HDAC9: variants seen among roughly 807,000 people sequenced by gnomAD.
HDAC9 encodes MEF-2 interacting transcription repressor (MITR) protein.
Under a neutral mutation model 139.4 loss-of-function variants are expected in HDAC9, and 41 were observed. That is an observed-to-expected ratio of 0.29 (90% confidence interval 0.23 to 0.38). HDAC9 has a LOEUF of 0.38. Ranked by LOEUF, HDAC9 falls within the 10% of genes least tolerant of loss-of-function variation. HDAC9 has a pLI of 1.00. For missense variants in HDAC9, 1,147 were observed against 1,297.0 expected, an observed-to-expected ratio of 0.88 and a Z score of 1.78; for synonymous variants, 517 against 476.2, an observed-to-expected ratio of 1.09 and a Z score of -1.12.
At chr7:18,642,033 A>G (rs904356160) in intron 8 of HDAC9, among the ~76,000 whole-genome samples, 4 of 152,102 alleles carry the variant, frequency 2.6e-5, no homozygotes, top group Admixed American at 2.6e-4. Flanking sequence ...TTGAAAGTCT[A>G]CATAAATGCT....
chr7:18,654,246 A>G (rs978125634), intron 11 of HDAC9, among the ~76,000 whole-genome samples: 1 of 152,170 alleles, frequency 6.6e-6, no homozygotes, highest in African/African-American at 2.4e-5. Flanking sequence ...AATGTTAAGT[A>G]TAATTACACA....
intron 2 of HDAC9, among the ~76,000 whole-genome samples, chr7:18,180,829 G>A (rs888604606): frequency 3.9e-5 from 6 of 152,188 alleles, no homozygotes; most frequent in African/African-American, 1.4e-4. Context: ...TCACTGGGCT[G>A]AAATGAAGGT....
chr7:18,216,282 TA>T (rs1562758188), intron 2 of HDAC9, among the ~76,000 whole-genome samples: 1 of 152,188 alleles, frequency 6.6e-6, no homozygotes, highest in African/African-American at 2.4e-5. Flanking sequence ...AAAATCTCAT[TA>T]AAGTTCATGG....
At chr7:18,851,447 A>C (rs955593750) in intron 21 of HDAC9, 1 of 152,570 alleles carries the variant, frequency 6.6e-6, no homozygotes, top group South Asian at 2.1e-4. Context: ...GCGTTCCGCC[A>C]TGATTGTAAG....
At chr7:18,361,846 C>G (rs1783805661) in intron 1 of HDAC9, among the ~76,000 whole-genome samples, 1 of 152,068 alleles carries the variant, frequency 6.6e-6, no homozygotes, top group Non-Finnish European at 1.5e-5. Flanking sequence ...GGCATAAAGC[C>G]AACTAATTAC....
At chr7:18,817,173 T>C (rs1794630909) in intron 17 of HDAC9, among the ~76,000 whole-genome samples, 1 of 152,056 alleles carries the variant, frequency 6.6e-6, no homozygotes, top group African/African-American at 2.4e-5. Flanking sequence ...TAGCTGAGAC[T>C]ACAGGCGCCC....
chr7:18,407,431 C>G (rs1201296323), intron 1 of HDAC9, among the ~76,000 whole-genome samples: 1 of 152,110 alleles, frequency 6.6e-6, no homozygotes, highest in Non-Finnish European at 1.5e-5. Context: ...TAACAAATCT[C>G]AAAGTGGGGT....
At chr7:18,919,135 T>C (rs1028180212) in intron 22 of HDAC9, among the ~76,000 whole-genome samples, 4 of 152,044 alleles carry the variant, frequency 2.6e-5, no homozygotes, top group Non-Finnish European at 4.4e-5. Context: ...CAAGGAAAAT[T>C]TATAATTGTC....
At chr7:18,163,139 T>G (rs1447484668) in intron 2 of HDAC9, among the ~76,000 whole-genome samples, 2 of 152,186 alleles carry the variant, frequency 1.3e-5, no homozygotes, top group African/African-American at 4.8e-5. Context: ...TACTCAGGGC[T>G]TATAAGGGAG....
chr7:18,807,538 A>T, intron 17 of HDAC9, among the ~76,000 whole-genome samples: 1 of 149,254 alleles, frequency 6.7e-6, no homozygotes, highest in Non-Finnish European at 1.5e-5. Context: ...TTTATTTGAG[A>T]TCTTTCTTTT....
At chr7:18,974,991 AG>A (rs1784465076) in intron 24 of HDAC9, among the ~76,000 whole-genome samples, 1 of 152,206 alleles carries the variant, frequency 6.6e-6, no homozygotes, top group African/African-American at 2.4e-5. Flanking sequence ...TAACCTGGTG[AG>A]TCATGTCAGC....
At chr7:18,198,266 C>A (rs1295064605) in intron 2 of HDAC9, among the ~76,000 whole-genome samples, 1 of 151,800 alleles carries the variant, frequency 6.6e-6, no homozygotes, top group South Asian at 2.1e-4. Flanking sequence ...TAATACAGGA[C>A]CTAACCCCAT....
chr7:18,941,375 T>A (rs771021965), intron 23 of HDAC9, among the ~76,000 whole-genome samples: 2 of 152,180 alleles, frequency 1.3e-5, no homozygotes, highest in African/African-American at 4.8e-5. Flanking sequence ...CTTTTAAAGA[T>A]GACGTTTTGC....
chr7:18,448,356 T>C (rs891979815), intron 1 of HDAC9, among the ~76,000 whole-genome samples: 2 of 152,200 alleles, frequency 1.3e-5, no homozygotes, highest in African/African-American at 4.8e-5. Flanking sequence ...TCTGCTTATA[T>C]TAATAACAAT....
At chr7:18,956,186 C>T (rs1164093255) in intron 24 of HDAC9, among the ~76,000 whole-genome samples, 1 of 152,096 alleles carries the variant, frequency 6.6e-6, no homozygotes, top group African/African-American at 2.4e-5. Flanking sequence ...TTTTACACCA[C>T]CCAACAGTGA....
intron 1 of HDAC9, among the ~76,000 whole-genome samples, chr7:18,357,227 T>C (rs1158695095): frequency 6.6e-6 from 1 of 152,164 alleles, no homozygotes; most frequent in Non-Finnish European, 1.5e-5. Flanking sequence ...ATTCTTCCTA[T>C]ATATCCAATC....
intron 22 of HDAC9, among the ~76,000 whole-genome samples, chr7:18,925,178 T>C (rs1804106006): frequency 6.6e-6 from 1 of 152,176 alleles, no homozygotes; most frequent in Non-Finnish European, 1.5e-5. Flanking sequence ...GTAGTACTAA[T>C]GCATTAAATT....
intron 1 of HDAC9, among the ~76,000 whole-genome samples, chr7:18,460,908 A>G (rs965248096): frequency 2.6e-5 from 4 of 152,126 alleles, no homozygotes; most frequent in Non-Finnish European, 4.4e-5. Flanking sequence ...AAAACAACCT[A>G]ATGATCTACT....
At chr7:18,854,635 A>G (rs1797541845) in intron 21 of HDAC9, among the ~76,000 whole-genome samples, 1 of 152,114 alleles carries the variant, frequency 6.6e-6, no homozygotes, top group African/African-American at 2.4e-5. Context: ...GGACAAAGAC[A>G]CTACTCTAGT....
Sources: allele counts gnomAD v4.1 joint callset (sites outside exome capture counted in the v4.1 genomes callset), GRCh38; gene constraint gnomAD v4.1.1; transcripts MANE v1.5; gene names NCBI Gene and HGNC (gene_info 2026-07-23, HGNC 2026-07-21).